DYNC1I1: variants seen among roughly 807,000 people sequenced by gnomAD.
DYNC1I1 encodes the protein cytoplasmic dynein 1 intermediate chain 1.
In DYNC1I1, 43 loss-of-function variants were observed where a neutral mutation model predicts 86.6. That is an observed-to-expected ratio of 0.50 (90% confidence interval 0.39 to 0.64). The LOEUF (loss-of-function observed/expected upper bound fraction) is 0.64. Among genes scored for constraint, DYNC1I1 ranks in the 30% least tolerant of loss-of-function variants. The pLI is 0.00. For missense variants in DYNC1I1, 604 were observed against 788.8 expected (o/e 0.77, Z 2.81); for synonymous variants, 262 against 283.7 (o/e 0.92, Z 0.77).
chr7:96,028,309 T>G lies in DYNC1I1; in HGVS notation c.1104T>G (p.Ala368=). The change falls in exon 11 of 17, where the codon GCT becomes GCG. Residue 368 remains alanine, a synonymous_variant. Coordinates refer to ENST00000447467, the MANE Select transcript of DYNC1I1 (RefSeq NM_001135556.2). ...CAGTGCAGCGGACACCCTTATCAGC[T>G]GCTGCACACACGGTAATGCAAACTT... The part of the protein sequence containing the change: ...RTPVQRTPLS[A]AAHTHPVYCV... 6.2e-7 allele frequency: 1 copy of G among 1,609,762 alleles called. No homozygotes were observed. Among genetic ancestry groups the G allele is most frequent in the Middle Eastern group, 1.7e-4 (1 of 6,042 alleles).
chr7:95,875,288 G>A (rs1386625443), intron 6 of DYNC1I1, among the ~76,000 whole-genome samples: 1 of 151,980 alleles, frequency 6.6e-6, no homozygotes, highest in African/African-American at 2.4e-5. Context: ...AAAAAAGGGA[G>A]GTAAAGAGAA....
chr7:96,106,997 A>G (rs1408234206), intron 16 of DYNC1I1, among the ~76,000 whole-genome samples: 1 of 150,346 alleles, frequency 6.7e-6, no homozygotes, highest in African/African-American at 2.4e-5. Context: ...GAATTTGTCT[A>G]TTTGATCTTT....
chr7:95,947,184 G>T (rs545214361), intron 6 of DYNC1I1, among the ~76,000 whole-genome samples: 4 of 152,324 alleles, frequency 2.6e-5, no homozygotes, highest in Non-Finnish European at 2.9e-5. Flanking sequence ...TAATAAAATA[G>T]TGTGTGCAAA....
chr7:96,044,237 C>T (rs574413600), intron 14 of DYNC1I1, among the ~76,000 whole-genome samples: 2 of 152,190 alleles, frequency 1.3e-5, no homozygotes, highest in South Asian at 4.1e-4. Flanking sequence ...AATAAAGAAC[C>T]TTTAAAAGGC....
intron 4 of DYNC1I1, among the ~76,000 whole-genome samples, chr7:95,824,086 G>C (rs1795150037): frequency 6.7e-6 from 1 of 148,160 alleles, no homozygotes; most frequent in Non-Finnish European, 1.5e-5. Flanking sequence ...CACTTCCCAG[G>C]CTCAAGCTGT....
intron 7 of DYNC1I1, among the ~76,000 whole-genome samples, chr7:95,978,802 A>AT (rs201884666): frequency 0.19 from 28,602 of 147,754 alleles, 2,819 homozygotes; most frequent in African/African-American, 0.24. Context: ...AAATGGGACA[A>AT]TTTTTTTTTT....
chr7:96,085,062 CA>C (rs1382675808), intron 16 of DYNC1I1, among the ~76,000 whole-genome samples: 1 of 152,124 alleles, frequency 6.6e-6, no homozygotes, highest in Non-Finnish European at 1.5e-5. Flanking sequence ...TGAGCCCTGG[CA>C]CTCCCTGATT....
intron 6 of DYNC1I1, among the ~76,000 whole-genome samples, chr7:95,920,850 T>C (rs1323837591): frequency 6.6e-6 from 1 of 152,204 alleles, no homozygotes; most frequent in East Asian, 1.9e-4. Flanking sequence ...AATAGACTTA[T>C]AATTTTATCT....
At chr7:96,099,052 C>A (rs1422874115), downstream of DYNC1I1, among the ~76,000 whole-genome samples, 2 of 151,896 alleles carry the variant, frequency 1.3e-5, no homozygotes, top group East Asian at 3.9e-4. Flanking sequence ...TTATAGATAA[C>A]AAATGAGTAT....
At chr7:96,063,107 A>ATATG (rs1288093062) in intron 14 of DYNC1I1, among the ~76,000 whole-genome samples, 7 of 129,170 alleles carry the variant, frequency 5.4e-5, no homozygotes, top group African/African-American at 2.0e-4. Context: ...GTGTATATAT[A>ATATG]TGTGTGTGTG....
intron 6 of DYNC1I1, among the ~76,000 whole-genome samples, chr7:95,942,333 A>G (rs1168077790): frequency 6.6e-6 from 1 of 152,208 alleles, no homozygotes; most frequent in East Asian, 1.9e-4. Context: ...AAGAAGTTGA[A>G]TCTCTGAATA....
chr7:95,980,005 G>T (rs1008202147), intron 7 of DYNC1I1, among the ~76,000 whole-genome samples: 8 of 152,052 alleles, frequency 5.3e-5, no homozygotes, highest in African/African-American at 1.7e-4. Flanking sequence ...AGGAGCCAGG[G>T]TATATTTTGT....
At chr7:95,873,067 G>A (rs1790215840) in intron 6 of DYNC1I1, among the ~76,000 whole-genome samples, 1 of 152,182 alleles carries the variant, frequency 6.6e-6, no homozygotes, top group Non-Finnish European at 1.5e-5. Context: ...CTGGAAAGAT[G>A]CAAGCCACAC....
In DYNC1I1 at chr7:95,799,670, C is replaced by A. The variant is rs562452527; in HGVS notation, c.-9-5051C>A. Among the ~76,000 whole-genome samples the A allele has an allele frequency of 4.1e-5, 6 of 147,438 alleles. No individual in the cohort carries two copies. The East Asian group carries it at 1.0e-3, about 25-fold the overall frequency. On this transcript the variant is annotated intron_variant, in intron 1 of 16. Transcript: ENST00000447467. ...TTTTTTTTTGAGTCGCATCCCTTTTCCCACATGCCTTCCATTTTATAACCC... is the reference window on the plus strand; with the variant it reads ...TTTTTTTTTGAGTCGCATCCCTTTTACCACATGCCTTCCATTTTATAACCC...
At chr7:95,835,143 A>T (rs1789042254) in intron 5 of DYNC1I1, among the ~76,000 whole-genome samples, 1 of 79,862 alleles carries the variant, frequency 1.3e-5, no homozygotes, top group African/African-American at 6.3e-5. Context: ...ACTGCTTTGA[A>T]TGCGTCCCAG....
At position 96,072,339 on chromosome 7, in the gene DYNC1I1, G is replaced by A. The variant is rs181087376; in HGVS notation, c.1510-3718G>A. Among the ~76,000 whole-genome samples, 319 of 152,282 alleles carry A rather than the reference G, an allele frequency of 2.1e-3. 1 individual carries two copies. Among genetic ancestry groups the A allele is most frequent in the African/African-American group, 7.1e-3 (297 of 41,548 alleles). On this transcript the variant is annotated intron_variant, in intron 14 of 16. Coordinates refer to ENST00000447467, the MANE Select transcript of DYNC1I1 (RefSeq NM_001135556.2). Reference sequence around the variant, plus strand: ...ACATGTACCACACGTGCAGTAGGCCGTGTAACAGTGTAGTTTTCCTTTTTC... The same window carrying A: ...ACATGTACCACACGTGCAGTAGGCCATGTAACAGTGTAGTTTTCCTTTTTC...
chr7:96,044,284 A>C (rs1227081500), intron 14 of DYNC1I1, among the ~76,000 whole-genome samples: 1 of 152,224 alleles, frequency 6.6e-6, no homozygotes, highest in Non-Finnish European at 1.5e-5. Flanking sequence ...AATACTTCAG[A>C]GAAGAAACAT....
intron 6 of DYNC1I1, among the ~76,000 whole-genome samples, chr7:95,903,592 G>A (rs1791096393): frequency 6.6e-6 from 1 of 152,228 alleles, no homozygotes; most frequent in South Asian, 2.1e-4. Flanking sequence ...CAACTGTCAT[G>A]TGAATATTCT....
chr7:95,898,291 T>G (rs1301939376), intron 6 of DYNC1I1, among the ~76,000 whole-genome samples: 3 of 151,910 alleles, frequency 2.0e-5, no homozygotes, highest in Non-Finnish European at 4.4e-5. Context: ...TCCCGTAGAG[T>G]TTTCAGCCAA....
Sources: allele counts gnomAD v4.1 joint callset (sites outside exome capture counted in the v4.1 genomes callset), GRCh38; gene constraint gnomAD v4.1.1; transcripts MANE v1.5; gene names NCBI Gene and HGNC (gene_info 2026-07-23, HGNC 2026-07-21).